MYCBP2: variants seen among roughly 807,000 people sequenced by gnomAD.
MYCBP2 encodes MYC binding protein 2.
Under a neutral mutation model 525.3 loss-of-function variants are expected in MYCBP2, and 120 were observed. The observed-to-expected ratio is 0.23, with a 90% CI of 0.20 to 0.27. The LOEUF (loss-of-function observed/expected upper bound fraction) is 0.27. MYCBP2 is among the 10% of genes least tolerant of loss of function. The probability of loss-of-function intolerance (pLI) is 1.00; values close to 1 mark genes in which losing one functional copy is unlikely to be tolerated. For synonymous variants in MYCBP2, 1,894 were observed against 1,955.8 expected (o/e 0.97, Z 0.83); for missense variants, 4,149 against 5,657.1 (o/e 0.73, Z 8.55).
intron 17 of MYCBP2, among the ~76,000 whole-genome samples, chr13:77,233,811 A>G (rs973873928): frequency 6.6e-6 from 1 of 151,990 alleles, no homozygotes; most frequent in African/African-American, 2.4e-5. Flanking sequence ...AGATGATCAA[A>G]AACAAAACAA....
intron 3 of MYCBP2, among the ~76,000 whole-genome samples, chr13:77,282,090 AGAG>A (rs537312796): frequency 1.8e-4 from 28 of 152,268 alleles, no homozygotes; most frequent in South Asian, 2.1e-4. Context: ...CAGCAGAAAG[AGAG>A]GAGGAGAAGG....
chr13:77,065,925 A>C, intron 72 of MYCBP2, 67 bp downstream of exon 72: 1 of 1,108,456 alleles, frequency 9.0e-7, no homozygotes, highest in Non-Finnish European at 1.3e-6. Flanking sequence ...TCAATTCAGC[A>C]GAGTAAGCTG....
At chr13:77,111,580 C>T (rs528010814) in intron 55 of MYCBP2, among the ~76,000 whole-genome samples, 9 of 87,934 alleles carry the variant, frequency 1.0e-4, no homozygotes, top group Admixed American at 8.3e-4. Context: ...CAATGCTTGG[C>T]TAATTTTTTT....
At chr13:77,174,205 C>T in intron 37 of MYCBP2, 106 bp downstream of exon 37, 1 of 932,706 alleles carries the variant, frequency 1.1e-6, no homozygotes, top group Non-Finnish European at 1.6e-6. Flanking sequence ...AGAAGATACA[C>T]TGTACAATTT....
chr13:77,059,434 G>C, intron 77 of MYCBP2, 89 bp downstream of exon 77: 1 of 951,258 alleles, frequency 1.1e-6, no homozygotes, highest in South Asian at 1.3e-5. Flanking sequence ...AAGCTGGAGT[G>C]ACGCTGAGCT....
intron 49 of MYCBP2, among the ~76,000 whole-genome samples, chr13:77,142,337 G>T (rs1566685684): frequency 6.6e-6 from 1 of 152,148 alleles, no homozygotes; most frequent in Non-Finnish European, 1.5e-5. Context: ...AAAAACATTT[G>T]CTGAACTAAA....
chr13:77,226,816 C>T (rs2066346525), intron 18 of MYCBP2, among the ~76,000 whole-genome samples: 1 of 152,224 alleles, frequency 6.6e-6, no homozygotes, highest in African/African-American at 2.4e-5. Context: ...TAAAACCTCA[C>T]TAATTCGGAA....
chr13:77,152,645 C>T (rs2154195316), intron 46 of MYCBP2, among the ~76,000 whole-genome samples: 1 of 152,302 alleles, frequency 6.6e-6, no homozygotes, highest in African/African-American at 2.4e-5. Flanking sequence ...GCGGCTTAAC[C>T]TCAGATGGCA....
Position 77,180,242 on chromosome 13 carries a change from A to G in MYCBP2, c.5018T>C (p.Val1673Ala), listed in dbSNP as rs2060091734. ...ATTTTCTCTCCTCAGGCTGTTCCTG[A>G]CTGGTAGCACAACAATGACCAGCAT... ...EKMLVIVVLP[V>A]RNSLRRENEL... Residue 1673 changes from valine (V) to alanine (A), a missense_variant, in exon 34 of 83, where the codon GTC (valine) becomes GCC (alanine). By Grantham distance (64) the Val-to-Ala change is moderately conservative (BLOSUM62 0). Transcript: ENST00000544440. 5.6e-6 allele frequency: 9 copies of G among 1,614,032 alleles called. 1 individual carries two copies. The highest frequency in any genetic ancestry group is 1.7e-5 in the Admixed American group (1 of 60,000).
chr13:77,205,454 T>A lies in MYCBP2; in HGVS notation c.3715+19A>T. ...ATTTCAGTTGTAAGACAACATTTCC[T>A]AAACCGAAGTATACATACTTTCAAA... On this transcript the variant is annotated intron_variant, in intron 25 of 82. Transcript: ENST00000544440. 1 of 1,612,370 alleles carries A rather than the reference T, an allele frequency of 6.2e-7. No individual in the cohort carries two copies. The highest frequency in any genetic ancestry group is 2.2e-5 in the East Asian group (1 of 44,834).
In MYCBP2 at chr13:77,055,179, AAGG is replaced by A. The variant is rs533094295; in HGVS notation, c.13647+376_13647+378del. Among the ~76,000 whole-genome samples, 14 of 151,944 alleles carry A rather than the reference AAGG, an allele frequency of 9.2e-5. 1 individual carries two copies. The South Asian group carries it at 2.9e-3, about 32-fold the overall frequency. Reference sequence around the variant, plus strand: ...AGTTAAAGATAAATGACTAGAAAGGAAGGAGGACAGAAAAAGAGTGTGTTGTCC... The same window carrying A: ...AGTTAAAGATAAATGACTAGAAAGGAAGGACAGAAAAAGAGTGTGTTGTCC... On this transcript the variant is annotated intron_variant, in intron 80 of 82. Coordinates refer to ENST00000544440, the MANE Select transcript of MYCBP2 (RefSeq NM_015057.5).
At chr13:77,094,728 T>C (rs1394504831) in intron 58 of MYCBP2, among the ~76,000 whole-genome samples, 1 of 151,952 alleles carries the variant, frequency 6.6e-6, no homozygotes, top group East Asian at 1.9e-4. Flanking sequence ...TTTGAGACTC[T>C]ACTAAAGGCT....
chr13:77,082,999 A>C, intron 63 of MYCBP2, 33 bp downstream of exon 63: 1 of 1,580,740 alleles, frequency 6.3e-7, no homozygotes, highest in Non-Finnish European at 8.6e-7. Flanking sequence ...TCTCTTGTCC[A>C]ATGTACCTAG....
chr13:77,210,707 T>C (rs1442040093), intron 23 of MYCBP2, among the ~76,000 whole-genome samples: 1 of 152,148 alleles, frequency 6.6e-6, no homozygotes, highest in Non-Finnish European at 1.5e-5. Context: ...TCATAGTTAA[T>C]AATAATTATG....
chr13:77,259,685 G>A (rs564848035), intron 13 of MYCBP2, among the ~76,000 whole-genome samples: 1 of 152,202 alleles, frequency 6.6e-6, no homozygotes, highest in East Asian at 1.9e-4. Flanking sequence ...CCCAGCATGG[G>A]ACAATTACAT....
chr13:77,245,369 T>C (rs1238772679), intron 15 of MYCBP2, among the ~76,000 whole-genome samples: 2 of 152,098 alleles, frequency 1.3e-5, no homozygotes, highest in Non-Finnish European at 2.9e-5. Flanking sequence ...TGCTCATCAA[T>C]GATAGGTTGG....
intron 26 of MYCBP2, among the ~76,000 whole-genome samples, chr13:77,195,013 T>TA (rs2061621516): frequency 8.1e-6 from 1 of 124,030 alleles, no homozygotes; most frequent in South Asian, 2.6e-4. Flanking sequence ...GAGGTCTTTT[T>TA]AAAAAATGTC....
At chr13:77,108,705 ATTT>A (rs756968110) in intron 55 of MYCBP2, among the ~76,000 whole-genome samples, 3 of 142,510 alleles carry the variant, frequency 2.1e-5, no homozygotes, top group African/African-American at 5.1e-5. Flanking sequence ...AAGATACTTT[ATTT>A]TTTTTTTTTT....
At chr13:77,142,444 T>C (rs2054831266) in intron 49 of MYCBP2, among the ~76,000 whole-genome samples, 1 of 152,228 alleles carries the variant, frequency 6.6e-6, no homozygotes, top group African/African-American at 2.4e-5. Flanking sequence ...TCTGAGTCTA[T>C]ATAGTTACAT....
Sources: gnomAD v4.1 joint callset for allele counts (sites outside exome capture counted in the v4.1 genomes callset) on GRCh38, gnomAD v4.1.1 for gene constraint, MANE v1.5 for transcripts, NCBI Gene and HGNC (gene_info 2026-07-23, HGNC 2026-07-21) for gene names.